Variants in COL27A1 observed in about 807,000 individuals in gnomAD.
COL27A1 encodes the protein collagen alpha-1(XXVII) chain.
A neutral mutation model predicts 251.3 loss-of-function variants in COL27A1; 106 were observed. The ratio of observed to expected loss-of-function variants is 0.42; its 90% CI spans 0.36 to 0.50. COL27A1 has a LOEUF of 0.50. COL27A1 is among the 20% of genes least tolerant of loss of function. The pLI is 0.00. For missense variants in COL27A1, 2,325 were observed against 2,522.8 expected (o/e 0.92, Z 1.68); for synonymous variants, 1,000 against 986.3 (o/e 1.01, Z -0.26).
chr9:114,269,478 G>A (rs1445936021), intron 35 of COL27A1, among the ~76,000 whole-genome samples, 184 bp downstream of exon 35: 1 of 151,870 alleles, frequency 6.6e-6, no homozygotes, highest in Admixed American at 6.6e-5. Flanking sequence ...GTAGAGAAAG[G>A]CATTTTGTGG....
At chr9:114,218,398 G>T (rs772323704) in intron 12 of COL27A1, 1 of 154,248 alleles carries the variant, frequency 6.5e-6, no homozygotes, top group African/African-American at 2.4e-5. Context: ...GGCTTTGCCC[G>T]TGCATAGCTC....
chr9:114,250,572 G>A (rs373769464), intron 24 of COL27A1, 43 bp from the exon 25 acceptor site: 156 of 1,589,106 alleles, frequency 9.8e-5, no homozygotes, highest in African/African-American at 6.3e-4. Flanking sequence ...CTGGGTCCCC[G>A]GATTCACGTT....
At chr9:114,243,040 T>G (rs974799579) in intron 22 of COL27A1, among the ~76,000 whole-genome samples, 1 of 152,212 alleles carries the variant, frequency 6.6e-6, no homozygotes, top group Non-Finnish European at 1.5e-5. Flanking sequence ...AAGATGCCAC[T>G]TAACATTCAC....
intron 48 of COL27A1, 59 bp from the exon 49 acceptor site, chr9:114,292,044 C>A: frequency 6.9e-7 from 1 of 1,448,500 alleles, no homozygotes; most frequent in Non-Finnish European, 9.5e-7. Context: ...CCCTCCGCCT[C>A]CTCCTGCCTT....
intron 3 of COL27A1, among the ~76,000 whole-genome samples, chr9:114,173,738 TG>T (rs1208174413): frequency 2.0e-5 from 3 of 152,002 alleles, no homozygotes; most frequent in Non-Finnish European, 4.4e-5. Context: ...ATATGAAACC[TG>T]GGTCCTGGTA....
chr9:114,258,395 T>G, intron 27 of COL27A1, 146 bp from the exon 28 acceptor site: 4 of 675,236 alleles, frequency 5.9e-6, no homozygotes, highest in Non-Finnish European at 7.7e-6. Flanking sequence ...AGTCCTTCCA[T>G]GTGGAGGCTG....
intron 14 of COL27A1, among the ~76,000 whole-genome samples, chr9:114,229,521 C>T (rs1261494962): frequency 6.6e-6 from 1 of 152,140 alleles, no homozygotes; most frequent in Non-Finnish European, 1.5e-5. Flanking sequence ...ACTGGGGCAG[C>T]CTTTGTTCCT....
Position 114,159,923 on chromosome 9 carries a change from A to G in COL27A1, c.63-2792A>G, listed in dbSNP as rs567853814. ...TTGCTTCAAGTAAGCAAGTCATGCC[A>G]GAAAGGTTGGCCCTGCCCTTCTCCC... is the stretch of plus-strand genomic sequence containing the variant. On this transcript the variant is annotated intron_variant, in intron 1 of 60. Coordinates refer to ENST00000356083, the MANE Select transcript of COL27A1 (RefSeq NM_032888.4). Among the ~76,000 whole-genome samples the G allele has an allele frequency of 7.9e-5, 12 of 152,344 alleles. No homozygotes were observed. In the South Asian group the frequency reaches 2.3e-3, roughly 29 times the overall value.
At position 114,172,344 on chromosome 9, in the gene COL27A1, C is replaced by T. The variant is rs577848441; in HGVS notation, c.1908+2881C>T. Reference sequence around the variant, plus strand: ...CTGCCCAGGAGAAGAGCTTAATTGTCCCCCATCCAGGCACATGCAGACTTG... The same window carrying T: ...CTGCCCAGGAGAAGAGCTTAATTGTTCCCCATCCAGGCACATGCAGACTTG... On this transcript the variant is annotated intron_variant, in intron 3 of 60. Transcript: ENST00000356083. Among the ~76,000 whole-genome samples the T allele has an allele frequency of 1.1e-3, 166 of 152,292 alleles. 3 individuals are homozygous for T. The South Asian group carries it at 0.034, about 32-fold the overall frequency.
chr9:114,228,322 G>GC (rs1333373473), intron 14 of COL27A1, among the ~76,000 whole-genome samples: 1 of 152,222 alleles, frequency 6.6e-6, no homozygotes, highest in Non-Finnish European at 1.5e-5. Context: ...GCCCTGCCTG[G>GC]CCCCCGGCAG....
intron 24 of COL27A1, among the ~76,000 whole-genome samples, chr9:114,246,927 T>A (rs2135506164): frequency 6.6e-6 from 1 of 151,250 alleles, no homozygotes; most frequent in South Asian, 2.1e-4. Context: ...ATGCTAATGG[T>A]AGGGCCCTCG....
At chr9:114,301,830 T>C in intron 55 of COL27A1, 113 bp downstream of exon 55, 1 of 1,080,562 alleles carries the variant, frequency 9.3e-7, no homozygotes, top group Non-Finnish European at 1.4e-6. Context: ...GGGGTTCTTG[T>C]AGCCCACAGA....
chr9:114,228,339 A>C (rs1422917516), intron 14 of COL27A1, among the ~76,000 whole-genome samples: 1 of 151,612 alleles, frequency 6.6e-6, no homozygotes, highest in South Asian at 2.1e-4. Context: ...GCAGAGAAAG[A>C]CTCCTCCAGC....
At chr9:114,258,262 G>A (rs1040452135) in intron 27 of COL27A1, among the ~76,000 whole-genome samples, 2 of 152,168 alleles carry the variant, frequency 1.3e-5, no homozygotes, top group African/African-American at 4.8e-5. Context: ...GTCATGCAGG[G>A]GGCCTTATCC....
chr9:114,245,776 G>T, intron 23 of COL27A1, 90 bp from the exon 24 acceptor site: 1 of 1,208,394 alleles, frequency 8.3e-7, no homozygotes, highest in Non-Finnish European at 1.2e-6. Context: ...CCCACTAATG[G>T]CAGCTAAGGC....
intron 1 of COL27A1, among the ~76,000 whole-genome samples, chr9:114,160,450 C>T (rs886823553): frequency 7.2e-5 from 11 of 152,094 alleles, no homozygotes; most frequent in East Asian, 3.9e-4. Context: ...CCACCGTGCC[C>T]GGCCGTTTTT....
chr9:114,170,704 A>G (rs1311481331), intron 3 of COL27A1, among the ~76,000 whole-genome samples: 1 of 152,236 alleles, frequency 6.6e-6, no homozygotes, highest in African/African-American at 2.4e-5. Flanking sequence ...AATTATGTCA[A>G]CGTTCTGCTC....
intron 4 of COL27A1, among the ~76,000 whole-genome samples, chr9:114,181,165 C>T (rs144186806): frequency 1.3e-5 from 2 of 152,172 alleles, no homozygotes; most frequent in East Asian, 1.9e-4. Context: ...AGGGAGAGAC[C>T]GAGGCTGGGG....
At chr9:114,203,947 G>A (rs1034180346) in intron 7 of COL27A1, among the ~76,000 whole-genome samples, 7 of 151,978 alleles carry the variant, frequency 4.6e-5, no homozygotes, top group African/African-American at 1.7e-4. Flanking sequence ...GATGATAGTC[G>A]CCCCCGAGCC....
Sources: gnomAD v4.1 joint callset for allele counts (sites outside exome capture counted in the v4.1 genomes callset) on GRCh38, gnomAD v4.1.1 for gene constraint, MANE v1.5 for transcripts, NCBI Gene and HGNC (gene_info 2026-07-23, HGNC 2026-07-21) for gene names.